AP1S3: variants seen among roughly 807,000 people sequenced by gnomAD.
AP1S3 encodes AP-1 complex subunit sigma-3.
Under a neutral mutation model 20.9 loss-of-function variants are expected in AP1S3, and 10 were observed. That is an observed-to-expected ratio of 0.48 (90% confidence interval 0.29 to 0.81). The LOEUF (loss-of-function observed/expected upper bound fraction) is 0.81, where lower values mean the gene tolerates loss of function less well. Ranked by LOEUF, AP1S3 falls within the 30% of genes least tolerant of loss-of-function variation. The probability of loss-of-function intolerance (pLI) is 0.08; values close to 1 mark genes in which losing one functional copy is unlikely to be tolerated. For synonymous variants in AP1S3, 41 were observed against 61.5 expected, an observed-to-expected ratio of 0.67 and a Z score of 1.56; for missense variants, 154 against 183.8, an observed-to-expected ratio of 0.84 and a Z score of 0.94.
At chr2:223,796,445 C>T (rs2106107311) in intron 1 of AP1S3, among the ~76,000 whole-genome samples, 1 of 152,252 alleles carries the variant, frequency 6.6e-6, no homozygotes. Flanking sequence ...TCCTTAATCG[C>T]CTGGTCTCAT....
At chr2:223,804,563 C>G (rs1191389222) in intron 1 of AP1S3, among the ~76,000 whole-genome samples, 2 of 151,904 alleles carry the variant, frequency 1.3e-5, no homozygotes, top group Non-Finnish European at 2.9e-5. Context: ...TAAATTAGGC[C>G]AGGCATGGTG....
At chr2:223,762,044 C>T (rs1272772443) in intron 4 of AP1S3, among the ~76,000 whole-genome samples, 1 of 152,042 alleles carries the variant, frequency 6.6e-6, no homozygotes, top group Non-Finnish European at 1.5e-5. Flanking sequence ...ATGATCTCGG[C>T]TCACTGCAAC....
chr2:223,827,631 C>T (rs1360974199), intron 1 of AP1S3, among the ~76,000 whole-genome samples: 3 of 151,892 alleles, frequency 2.0e-5, no homozygotes, highest in African/African-American at 7.3e-5. Flanking sequence ...AGTGATCTAC[C>T]CACCTCACCC....
chr2:223,768,723 T>G (rs1365819943), intron 3 of AP1S3, among the ~76,000 whole-genome samples: 1 of 151,982 alleles, frequency 6.6e-6, no homozygotes, highest in Non-Finnish European at 1.5e-5. Flanking sequence ...GGCATGATGG[T>G]GCACGACTGT....
At chr2:223,835,589 A>C (rs1692376950) in intron 1 of AP1S3, among the ~76,000 whole-genome samples, 1 of 152,172 alleles carries the variant, frequency 6.6e-6, no homozygotes, top group Non-Finnish European at 1.5e-5. Context: ...CGGGAGATGG[A>C]GGTTGCAGTG....
At chr2:223,768,250 T>C (rs1223279031) in intron 3 of AP1S3, among the ~76,000 whole-genome samples, 1 of 152,206 alleles carries the variant, frequency 6.6e-6, no homozygotes, top group Admixed American at 6.5e-5. Context: ...AATTCTTGAA[T>C]TGTGTCCCCA....
At position 223,765,216 on chromosome 2, in the gene AP1S3, C is replaced by T; in HGVS notation, c.426G>A (p.Gln142=). The stretch of plus-strand genomic sequence containing the variant: ...TGGTTTGGGAAACCGTACTGACCTC[C>T]TGTAACATATCAGAGTCTTCAATGG... The part of the protein sequence containing the change: ...VKAIEDSDML[Q]ETMEEYMNKP... Residue 142 remains glutamine, a synonymous_variant, in exon 4 of 5, where the codon CAG becomes CAA. Coordinates refer to ENST00000396654, the MANE Select transcript of AP1S3 (RefSeq NM_001039569.2). 6.2e-7 allele frequency: 1 copy of T among 1,613,764 alleles called. No individual in the cohort carries two copies. Among genetic ancestry groups the T allele is most frequent in the Non-Finnish European group, 8.5e-7 (1 of 1,179,970 alleles).
chr2:223,779,797 G>A (rs1482658443), intron 1 of AP1S3, among the ~76,000 whole-genome samples: 20 of 152,110 alleles, frequency 1.3e-4, no homozygotes, highest in African/African-American at 3.1e-4. Flanking sequence ...GAGAAACCCC[G>A]TCTCTAATAA....
At chr2:223,827,330 T>A (rs1305902070) in intron 1 of AP1S3, among the ~76,000 whole-genome samples, 3 of 152,076 alleles carry the variant, frequency 2.0e-5, no homozygotes, top group Non-Finnish European at 4.4e-5. Context: ...TAAAAAAAAA[T>A]GTGATATTAC....
chr2:223,831,804 C>T (rs1488443120), intron 1 of AP1S3, among the ~76,000 whole-genome samples: 5 of 152,142 alleles, frequency 3.3e-5, no homozygotes, highest in Non-Finnish European at 4.4e-5. Flanking sequence ...TGGCCGGGCA[C>T]GGTGGCTCAT....
At chr2:223,775,133 C>T (rs766954803) in intron 3 of AP1S3, among the ~76,000 whole-genome samples, 29 of 152,190 alleles carry the variant, frequency 1.9e-4, no homozygotes, top group Admixed American at 2.6e-4. Context: ...CAAGAGGAAT[C>T]GCTGGTGTCA....
rs748461238 is a variant in AP1S3, at chr2:223,775,900, C to T, written c.291+1G>A. ...TCCTAACCGACAAGGACAACACTTA[C>T]ATTTCCAAAATATTTGTCCAGCAGC... On this transcript the variant is annotated splice_donor_variant, in intron 3 of 4. Transcript: ENST00000396654. LOFTEE classifies it high-confidence loss of function. 1 of 1,613,252 alleles carries T rather than the reference C, an allele frequency of 6.2e-7. No homozygotes were observed. Among genetic ancestry groups the T allele is most frequent in the Non-Finnish European group, 8.5e-7 (1 of 1,179,312 alleles).
chr2:223,757,592 A>G lies in AP1S3; in HGVS notation c.*1123T>C. 1.0e-6 allele frequency: 1 copy of G among 985,192 alleles called. No individual in the cohort carries two copies. The highest frequency in any genetic ancestry group is 5.2e-4 in the Middle Eastern group (1 of 1,914). The allele number at this position is 985,192 out of a possible 1,614,324, so 61.0% of individuals were successfully genotyped here. On this transcript the variant is annotated 3_prime_UTR_variant, in exon 5 of 5. Coordinates refer to ENST00000396654, the MANE Select transcript of AP1S3 (RefSeq NM_001039569.2). The stretch of plus-strand genomic sequence containing the variant: ...TGTAAGCCACCACTCCCGGCCTACA[A>G]GCTATTTCCCTGTAATATGTCTGAT...
chr2:223,810,293 C>A (rs1418316989), intron 1 of AP1S3, among the ~76,000 whole-genome samples: 5 of 152,044 alleles, frequency 3.3e-5, no homozygotes, highest in Admixed American at 6.6e-5. Flanking sequence ...ATCCCACACC[C>A]ACCCCTCTCT....
At chr2:223,784,622 A>C (rs149553588) in intron 1 of AP1S3, among the ~76,000 whole-genome samples, 1 of 152,066 alleles carries the variant, frequency 6.6e-6, no homozygotes, top group Non-Finnish European at 1.5e-5. Context: ...CCAGACCTCC[A>C]ACTCTCCTGA....
intron 4 of AP1S3, among the ~76,000 whole-genome samples, chr2:223,760,785 CAT>C (rs1429824471): frequency 6.6e-6 from 1 of 152,174 alleles, no homozygotes; most frequent in Non-Finnish European, 1.5e-5. Context: ...AAAATGGTTG[CAT>C]GTTATTTTCA....
chr2:223,816,963 A>G (rs1450720855), intron 1 of AP1S3, among the ~76,000 whole-genome samples: 1 of 152,100 alleles, frequency 6.6e-6, no homozygotes. Flanking sequence ...TGTCTTTACT[A>G]AAAATACAAA....
chr2:223,816,286 A>C (rs1691841737), intron 1 of AP1S3, among the ~76,000 whole-genome samples: 2 of 152,142 alleles, frequency 1.3e-5, no homozygotes, highest in South Asian at 4.1e-4. Context: ...TTTGATGATA[A>C]ACCGCTATGA....
At chr2:223,832,770 G>A (rs1692303800) in intron 1 of AP1S3, among the ~76,000 whole-genome samples, 1 of 150,836 alleles carries the variant, frequency 6.6e-6, no homozygotes, top group African/African-American at 2.4e-5. Flanking sequence ...ACAACTCCCT[G>A]AGATTAAAAT....
Sources: allele counts gnomAD v4.1 joint callset (sites outside exome capture counted in the v4.1 genomes callset), GRCh38; gene constraint gnomAD v4.1.1; transcripts MANE v1.5; gene names NCBI Gene and HGNC (gene_info 2026-07-23, HGNC 2026-07-21).